Variants in SSH2 observed in about 807,000 individuals in gnomAD.
The protein encoded by SSH2 is slingshot protein phosphatase 2.
In SSH2, 37 loss-of-function variants were observed where a neutral mutation model predicts 135.2. The observed-to-expected ratio is 0.27, with a 90% CI of 0.21 to 0.36. The LOEUF (loss-of-function observed/expected upper bound fraction) is 0.36. Among genes scored for constraint, SSH2 ranks in the 10% least tolerant of loss-of-function variants. The pLI, the probability that SSH2 is intolerant of heterozygous loss-of-function variation, is 1.00. For missense variants in SSH2, 1,408 were observed against 1,765.3 expected (o/e 0.80, Z 3.63); for synonymous variants, 628 against 646.2 (o/e 0.97, Z 0.43).
intron 6 of SSH2, among the ~76,000 whole-genome samples, chr17:29,681,648 T>C (rs778973345): frequency 2.0e-5 from 3 of 152,052 alleles, no homozygotes; most frequent in Non-Finnish European, 4.4e-5. Flanking sequence ...AAGATTATGC[T>C]GCATATTTAA....
At chr17:29,705,837 T>TC (rs1321229265) in intron 3 of SSH2, among the ~76,000 whole-genome samples, 1 of 152,216 alleles carries the variant, frequency 6.6e-6, no homozygotes, top group African/African-American at 2.4e-5. Context: ...CACTGCTCCT[T>TC]CCCCCAATTC....
At chr17:29,791,768 T>A (rs1363910805) in intron 3 of SSH2, among the ~76,000 whole-genome samples, 1 of 152,230 alleles carries the variant, frequency 6.6e-6, no homozygotes, top group African/African-American at 2.4e-5. Flanking sequence ...TTTGATTTTT[T>A]AATAGTTGCT....
intron 3 of SSH2, among the ~76,000 whole-genome samples, chr17:29,714,531 C>A (rs1477612292): frequency 6.6e-6 from 1 of 152,162 alleles, no homozygotes; most frequent in Non-Finnish European, 1.5e-5. Flanking sequence ...ATCCTTGTCA[C>A]TCTTTTTTTA....
chr17:29,642,406 C>CCACAGA, intron 14 of SSH2, among the ~76,000 whole-genome samples: 1 of 152,258 alleles, frequency 6.6e-6, no homozygotes, highest in East Asian at 1.9e-4. Flanking sequence ...AAACCTAATA[C>CCACAGA]CACAGACACA....
At chr17:29,666,784 T>C in intron 11 of SSH2, 83 bp downstream of exon 11, 1 of 1,264,794 alleles carries the variant, frequency 7.9e-7, no homozygotes, top group Non-Finnish European at 1.1e-6. Flanking sequence ...TATTTATGTA[T>C]AATAAAATTT....
intron 14 of SSH2, among the ~76,000 whole-genome samples, chr17:29,640,052 C>T (rs544852234): frequency 4.7e-4 from 72 of 152,000 alleles, no homozygotes; most frequent in Non-Finnish European, 9.4e-4. Flanking sequence ...GTTTAATGAT[C>T]CCAAGAATCC....
chr17:29,834,157 A>G (rs2042905053), intron 2 of SSH2, among the ~76,000 whole-genome samples: 1 of 151,990 alleles, frequency 6.6e-6, no homozygotes, highest in Non-Finnish European at 1.5e-5. Flanking sequence ...CACAATAGAA[A>G]AATACACAAA....
At chr17:29,777,773 C>T (rs1470860719) in intron 3 of SSH2, 1 of 155,240 alleles carries the variant, frequency 6.4e-6, no homozygotes, top group Non-Finnish European at 1.4e-5. Context: ...TGCCTCTGAC[C>T]CTGCACTATC....
At chr17:29,652,475 G>A (rs1021257340) in intron 12 of SSH2, among the ~76,000 whole-genome samples, 6 of 151,930 alleles carry the variant, frequency 3.9e-5, no homozygotes, top group African/African-American at 1.5e-4. Context: ...ATGGTTGCAC[G>A]GCTCTATGAA....
chr17:29,723,568 A>G (rs1484311528), intron 3 of SSH2, among the ~76,000 whole-genome samples: 1 of 152,210 alleles, frequency 6.6e-6, no homozygotes, highest in Non-Finnish European at 1.5e-5. Flanking sequence ...GGTACATGTG[A>G]AGAACGGGAA....
At chr17:29,827,915 T>A (rs2042774554) in intron 2 of SSH2, among the ~76,000 whole-genome samples, 1 of 152,182 alleles carries the variant, frequency 6.6e-6, no homozygotes, top group African/African-American at 2.4e-5. Context: ...GATAATTACA[T>A]ATGATAGAAC....
At position 29,632,157 on chromosome 17, in the gene SSH2, C is replaced by G. The variant is rs752796376; in HGVS notation, c.3037G>C (p.Asp1013His). ...TGGTATGGAATCACAGTCCTCAGAT[C>G]CTTCAGGACTCCTTCCTGCTGTGTT... is the stretch of plus-strand genomic sequence containing the variant. ...TGTQQEGVLKDLRTVIPYQES... is the reference protein window; with the variant it reads ...TGTQQEGVLKHLRTVIPYQES... Residue 1013 changes from aspartate (D) to histidine (H), a missense_variant, in exon 16 of 16, where the codon GAT becomes CAT. Transcript: ENST00000540801. The G allele has an allele frequency of 2.5e-6, 4 of 1,614,048 alleles. No individual in the cohort carries two copies. The highest frequency in any genetic ancestry group is 3.4e-6 in the Non-Finnish European group (4 of 1,180,004).
chr17:29,929,433 T>C lies in SSH2; in HGVS notation c.63+505A>G, dbSNP rs559022080. 61 of 186,302 alleles carry C rather than the reference T, an allele frequency of 3.3e-4. 1 individual carries two copies. Among genetic ancestry groups the C allele is most frequent in the African/African-American group, 1.4e-3 (59 of 42,522 alleles). The allele number at this position is 186,302 out of a possible 1,614,324, so 11.5% of individuals were successfully genotyped here. A position where few individuals can be genotyped will look rare whatever the true frequency, so the allele number is the denominator to read the frequency against. ...GTTGGGCAGTTCAAAGCCTGAACAG[T>C]ACAGAGCAAAAGAAAGCCAGCAAGT... On this transcript the variant is annotated intron_variant, in intron 1 of 15. Coordinates refer to ENST00000540801, the MANE Select transcript of SSH2 (RefSeq NM_001282129.2).
chr17:29,808,786 T>C (rs2042392870), intron 2 of SSH2, among the ~76,000 whole-genome samples: 1 of 152,154 alleles, frequency 6.6e-6, no homozygotes, highest in Non-Finnish European at 1.5e-5. Flanking sequence ...GGAGCTGTTA[T>C]ATGGTGGAGT....
chr17:29,860,908 G>A (rs1222345743), intron 1 of SSH2, among the ~76,000 whole-genome samples: 1 of 151,268 alleles, frequency 6.6e-6, no homozygotes, highest in Non-Finnish European at 1.5e-5. Context: ...ATGACGCCCG[G>A]CTAATTTTTG....
chr17:29,792,762 C>T (rs904974847), intron 3 of SSH2, among the ~76,000 whole-genome samples: 6 of 152,164 alleles, frequency 3.9e-5, no homozygotes, highest in Non-Finnish European at 7.3e-5. Context: ...CTGCAAGCTC[C>T]GCCTCCCGTG....
chr17:29,715,536 C>T (rs888380635), intron 3 of SSH2, among the ~76,000 whole-genome samples: 2 of 152,140 alleles, frequency 1.3e-5, no homozygotes, highest in Admixed American at 6.5e-5. Flanking sequence ...TGAGCCACTG[C>T]ACCTAGCCTC....
At chr17:29,837,597 G>A (rs867371649) in intron 2 of SSH2, among the ~76,000 whole-genome samples, 17 of 152,242 alleles carry the variant, frequency 1.1e-4, no homozygotes, top group Middle Eastern at 6.8e-3. Flanking sequence ...ACCCTCGCAC[G>A]GCTGGTCAGG....
Position 29,636,632 on chromosome 17 carries a change from A to G in SSH2, c.1598T>C (p.Val533Ala), listed in dbSNP as rs778736116. 1.2e-6 allele frequency: 2 copies of G among 1,614,162 alleles called. No individual in the cohort carries two copies. The highest frequency in any genetic ancestry group is 1.7e-6 in the Non-Finnish European group (2 of 1,180,032). Residue 533 changes from valine to alanine, a missense_variant, in exon 15 of 16, where the codon GTC becomes GCC. This residue lies in a region of SSH2 where 1,080 missense variants were observed against 1,144.5 expected (regional missense o/e 0.94). Transcript: ENST00000540801. ...TMESHPPIPP[V>A]FVEHMVPQDA... Reference sequence around the variant, plus strand: ...TTGTGGGACCATATGTTCCACAAAGACAGGAGGTATGGGTGGGTGACTCTC... The same window carrying G: ...TTGTGGGACCATATGTTCCACAAAGGCAGGAGGTATGGGTGGGTGACTCTC...
Sources: allele counts gnomAD v4.1 joint callset (sites outside exome capture counted in the v4.1 genomes callset), GRCh38; gene constraint gnomAD v4.1.1; regional missense constraint gnomAD v4.1.1; transcripts MANE v1.5; gene names NCBI Gene and HGNC (gene_info 2026-07-23, HGNC 2026-07-21).